AK5: variants seen among roughly 807,000 people sequenced by gnomAD.
AK5 encodes the protein adenylate kinase 5.
A neutral mutation model predicts 69.5 loss-of-function variants in AK5; 27 were observed. The ratio of observed to expected loss-of-function variants is 0.39; its 90% CI spans 0.29 to 0.54. The LOEUF (loss-of-function observed/expected upper bound fraction) is 0.54. AK5 is among the 20% of genes least tolerant of loss of function. AK5 has a pLI of 0.71. For synonymous variants in AK5, 260 were observed against 244.4 expected (o/e 1.06, Z -0.60); for missense variants, 531 against 700.4 (o/e 0.76, Z 2.73).
At chr1:77,481,173 G>A (rs973937393) in intron 8 of AK5, among the ~76,000 whole-genome samples, 5 of 152,242 alleles carry the variant, frequency 3.3e-5, no homozygotes, top group African/African-American at 1.2e-4. Flanking sequence ...GCCATGCAAA[G>A]TGGTAAAAGA....
intron 10 of AK5, among the ~76,000 whole-genome samples, chr1:77,489,462 A>T (rs1655838003): frequency 6.6e-6 from 1 of 152,246 alleles, no homozygotes; most frequent in Non-Finnish European, 1.5e-5. Flanking sequence ...TGTCCTTGAC[A>T]GGTGGCAGAA....
chr1:77,417,650 C>G lies in AK5; in HGVS notation c.994C>G (p.Leu332Val). 6.2e-7 allele frequency: 1 copy of G among 1,607,180 alleles called. No homozygotes were observed. The highest frequency in any genetic ancestry group is 8.5e-7 in the Non-Finnish European group (1 of 1,174,674). ...TTTCCTAATCTTAGGTTCAAGTGAC[C>G]TTGATCCTTCGATGATATTGGACAC... The part of the protein sequence containing the change: ...NKEAAAGSSD[L>V]DPSMILDTGE... The change falls in exon 8 of 14, where the codon CTT becomes GTT. Residue 332 changes from leucine (L) to valine (V), a missense_variant. Transcript: ENST00000354567.
intron 8 of AK5, among the ~76,000 whole-genome samples, chr1:77,433,702 A>C (rs1213559659): frequency 6.6e-6 from 1 of 152,182 alleles, no homozygotes; most frequent in East Asian, 1.9e-4. Context: ...TAGATGGCTT[A>C]AGACAAAAAG....
intron 6 of AK5, among the ~76,000 whole-genome samples, chr1:77,368,425 ATGT>A (rs1263396869): frequency 2.0e-5 from 3 of 149,632 alleles, no homozygotes; most frequent in Non-Finnish European, 4.4e-5. Context: ...ATTTTAAATA[ATGT>A]TGTACATGAA....
intron 13 of AK5, among the ~76,000 whole-genome samples, chr1:77,539,207 T>A (rs962610773): frequency 6.6e-6 from 1 of 152,248 alleles, no homozygotes; most frequent in African/African-American, 2.4e-5. Flanking sequence ...TGGTTCGGCC[T>A]GTTGGGCCCA....
chr1:77,316,036 T>C (rs1660225565), intron 5 of AK5, among the ~76,000 whole-genome samples: 3 of 152,178 alleles, frequency 2.0e-5, no homozygotes, highest in African/African-American at 7.2e-5. Flanking sequence ...GTATGCTGTT[T>C]ATAAAAGTAC....
At chr1:77,299,461 T>C (rs951813108) in intron 5 of AK5, among the ~76,000 whole-genome samples, 9 of 152,158 alleles carry the variant, frequency 5.9e-5, no homozygotes, top group African/African-American at 2.2e-4. Flanking sequence ...GGGGTAGCTT[T>C]ACAAAACATT....
chr1:77,524,829 C>G (rs142566911), intron 12 of AK5, among the ~76,000 whole-genome samples: 7 of 152,228 alleles, frequency 4.6e-5, no homozygotes, highest in African/African-American at 1.7e-4. Context: ...CCCCATGAAG[C>G]CTTCCCTCCG....
chr1:77,515,455 C>T lies in AK5; in HGVS notation c.1148-3109C>T, dbSNP rs553465442. 5.3e-5 allele frequency among the ~76,000 whole-genome samples: 8 copies of T among 152,340 alleles called. No homozygotes were observed. In the East Asian group the frequency reaches 1.5e-3, roughly 29 times the overall value. ...AATCCTCATTACCATACTAAAATTT[C>T]AATCATGTTTTGCATGCTGATGGTA... On this transcript the variant is annotated intron_variant, in intron 10 of 13. Transcript: ENST00000354567.
chr1:77,548,114 T>C (rs1659629287), intron 13 of AK5, among the ~76,000 whole-genome samples: 1 of 152,240 alleles, frequency 6.6e-6, no homozygotes, highest in Non-Finnish European at 1.5e-5. Context: ...GAAAAACAGT[T>C]ACTTAAAACG....
At chr1:77,543,636 A>G (rs1438870679) in intron 13 of AK5, among the ~76,000 whole-genome samples, 1 of 152,006 alleles carries the variant, frequency 6.6e-6, no homozygotes, top group Non-Finnish European at 1.5e-5. Context: ...GGGCCCAAGT[A>G]ATACTCCCAC....
intron 5 of AK5, among the ~76,000 whole-genome samples, chr1:77,307,629 A>G (rs185508521): frequency 1.7e-4 from 26 of 152,332 alleles, no homozygotes; most frequent in African/African-American, 6.3e-4. Context: ...CATTTGGTCC[A>G]TAGGTGCAGA....
chr1:77,511,095 C>A (rs1280435064), intron 10 of AK5, among the ~76,000 whole-genome samples: 1 of 151,022 alleles, frequency 6.6e-6, no homozygotes, highest in Non-Finnish European at 1.5e-5. Flanking sequence ...AAAATAGTAC[C>A]ACAGTATAAA....
At chr1:77,357,309 C>G (rs1038719205) in intron 6 of AK5, among the ~76,000 whole-genome samples, 2 of 152,156 alleles carry the variant, frequency 1.3e-5, no homozygotes, top group Admixed American at 1.3e-4. Context: ...GTCTCTTAAT[C>G]TCTCTAAGAT....
At chr1:77,377,804 CT>C (rs1412415486) in intron 6 of AK5, among the ~76,000 whole-genome samples, 1 of 152,072 alleles carries the variant, frequency 6.6e-6, no homozygotes, top group South Asian at 2.1e-4. Context: ...TGCCTTGTTT[CT>C]TTTTTTATTT....
Position 77,519,193 on chromosome 1 carries a change from A to G in AK5, c.1311+466A>G, listed in dbSNP as rs148112165. On this transcript the variant is annotated intron_variant, in intron 11 of 13. Transcript: ENST00000354567. ...CTATCTTTTTTCTTCTAAAGTCACC[A>G]TCCATCTCTAAGAAGCTGAATGGTA... Among the ~76,000 whole-genome samples, 285 of 152,282 alleles carry G rather than the reference A, an allele frequency of 1.9e-3. 1 individual carries two copies. The highest frequency in any genetic ancestry group is 6.3e-3 in the African/African-American group (261 of 41,544).
At chr1:77,449,331 T>C (rs1186253045) in intron 8 of AK5, among the ~76,000 whole-genome samples, 1 of 152,176 alleles carries the variant, frequency 6.6e-6, no homozygotes, top group East Asian at 1.9e-4. Context: ...TCAAAGGAGA[T>C]CATTCTGGAG....
chr1:77,545,090 ATTG>A (rs1272976908), intron 13 of AK5, among the ~76,000 whole-genome samples: 1 of 152,160 alleles, frequency 6.6e-6, no homozygotes, highest in Non-Finnish European at 1.5e-5. Flanking sequence ...TGACCAAAAC[ATTG>A]TTATCAGTGC....
At chr1:77,427,843 A>T (rs1651316934) in intron 8 of AK5, among the ~76,000 whole-genome samples, 1 of 152,272 alleles carries the variant, frequency 6.6e-6, no homozygotes, top group Non-Finnish European at 1.5e-5. Flanking sequence ...TCAGCATTAT[A>T]CATAGAAGCC....
Sources: gnomAD v4.1 joint callset for allele counts (sites outside exome capture counted in the v4.1 genomes callset) on GRCh38, gnomAD v4.1.1 for gene constraint, MANE v1.5 for transcripts, NCBI Gene and HGNC (gene_info 2026-07-23, HGNC 2026-07-21) for gene names.